MPP7: variants seen among roughly 807,000 people sequenced by gnomAD.
MPP7 encodes MAGUK p55 scaffold protein 7.
A neutral mutation model predicts 76.5 loss-of-function variants in MPP7; 60 were observed. That is an observed-to-expected ratio of 0.78 (90% CI 0.64 to 0.97). The LOEUF is 0.97. MPP7 is among the 50% of genes least tolerant of loss of function. The pLI is 0.00. For synonymous variants in MPP7, 237 were observed against 244.5 expected (o/e 0.97, Z 0.29); for missense variants, 641 against 694.0 (o/e 0.92, Z 0.86).
chr10:28,173,793 T>C (rs531823219), intron 3 of MPP7, among the ~76,000 whole-genome samples: 2 of 152,308 alleles, frequency 1.3e-5, no homozygotes, highest in South Asian at 2.1e-4. Context: ...AAAGTGTTAC[T>C]GGGAGAAACT....
intron 2 of MPP7, among the ~76,000 whole-genome samples, chr10:28,234,815 G>GT (rs1473919229): frequency 3.3e-5 from 5 of 152,026 alleles, no homozygotes; most frequent in Admixed American, 1.3e-4. Flanking sequence ...TTGTTTTGTT[G>GT]TTTTGTTTTT....
intron 11 of MPP7, chr10:28,118,009 CA>C: frequency 1.3e-6 from 1 of 798,402 alleles, no homozygotes; most frequent in Non-Finnish European, 1.5e-6. Flanking sequence ...AAAGCAAAAA[CA>C]AAAACAAAAA....
intron 1 of MPP7, among the ~76,000 whole-genome samples, chr10:28,270,163 T>A (rs12359994): frequency 0.15 from 22,698 of 152,114 alleles, 1,794 homozygotes; most frequent in South Asian, 0.19. Context: ...TGAAGGATGA[T>A]GAGGTGTTTG....
chr10:28,063,834 G>A (rs1347833558), intron 13 of MPP7, among the ~76,000 whole-genome samples: 1 of 152,126 alleles, frequency 6.6e-6, no homozygotes, highest in Non-Finnish European at 1.5e-5. Context: ...AAAAAGTTTG[G>A]GGACCGCTGC....
At chr10:28,118,758 C>T in intron 11 of MPP7, 1 of 985,402 alleles carries the variant, frequency 1.0e-6, no homozygotes, top group Non-Finnish European at 1.2e-6. Context: ...TACTCGACTA[C>T]AGTTTGGCTC....
intron 3 of MPP7, among the ~76,000 whole-genome samples, chr10:28,171,364 TC>T (rs2133868083): frequency 6.6e-6 from 1 of 152,266 alleles, no homozygotes; most frequent in South Asian, 2.1e-4. Flanking sequence ...CACCTTTACT[TC>T]CTTTTTATTT....
chr10:28,176,794 A>G (rs906980749), intron 3 of MPP7, among the ~76,000 whole-genome samples: 4 of 146,850 alleles, frequency 2.7e-5, no homozygotes, highest in African/African-American at 7.5e-5. Context: ...ACCAAACACC[A>G]CATGTTCTCA....
chr10:28,239,618 A>G (rs1430311153), intron 1 of MPP7, among the ~76,000 whole-genome samples: 1 of 152,240 alleles, frequency 6.6e-6, no homozygotes, highest in Non-Finnish European at 1.5e-5. Context: ...GCTAGCATAC[A>G]TAAGTAAATT....
chr10:28,187,658 C>T (rs896930114), intron 3 of MPP7, among the ~76,000 whole-genome samples: 1 of 152,198 alleles, frequency 6.6e-6, no homozygotes, highest in Non-Finnish European at 1.5e-5. Flanking sequence ...AGGGCCTATT[C>T]CATGAGTATC....
chr10:28,201,526 C>T (rs1322543840), intron 3 of MPP7, among the ~76,000 whole-genome samples: 2 of 152,162 alleles, frequency 1.3e-5, no homozygotes, highest in African/African-American at 2.4e-5. Flanking sequence ...TCTCATTTTA[C>T]TATTTTAGGA....
chr10:28,151,373 C>A (rs1222268882), intron 3 of MPP7, among the ~76,000 whole-genome samples: 1 of 152,144 alleles, frequency 6.6e-6, no homozygotes, highest in African/African-American at 2.4e-5. Context: ...ATTTGAGAAA[C>A]TATGAACATT....
chr10:28,271,089 G>T (rs1020322488), intron 1 of MPP7, among the ~76,000 whole-genome samples: 1 of 152,156 alleles, frequency 6.6e-6, no homozygotes, highest in Non-Finnish European at 1.5e-5. Context: ...TGGTTTGTGT[G>T]CATAATTCGA....
chr10:28,226,470 CT>C (rs1838694645), intron 2 of MPP7, among the ~76,000 whole-genome samples: 1 of 152,144 alleles, frequency 6.6e-6, no homozygotes, highest in Non-Finnish European at 1.5e-5. Context: ...TGGTCTCGAA[CT>C]TCTGACCTCA....
Position 28,165,314 on chromosome 10 carries a change from C to A in MPP7, c.157-15255G>T, listed in dbSNP as rs1836412038. ...TCAAGGCAAGAGGATCAGTTGAGGC[C>A]AGTTTGATATCAGCCTGGGTAACAG... On this transcript the variant is annotated intron_variant, in intron 3 of 16. Coordinates refer to ENST00000683449, the MANE Select transcript of MPP7 (RefSeq NM_001318170.2). Among the ~76,000 whole-genome samples, 3 of 152,190 alleles carry A rather than the reference C, an allele frequency of 2.0e-5. No individual in the cohort carries two copies. In the South Asian group the frequency reaches 6.2e-4, roughly 32 times the overall value.
intron 2 of MPP7, among the ~76,000 whole-genome samples, chr10:28,328,000 C>T (rs1372339254): frequency 6.6e-6 from 1 of 152,180 alleles, no homozygotes; most frequent in Admixed American, 6.5e-5. Context: ...CTTCTGTCTC[C>T]ATCCAATCAG....
At position 28,119,651 on chromosome 10, in the gene MPP7, A is replaced by C. The variant is rs867881251; in HGVS notation, c.952T>G (p.Ser318Ala). 1.9e-6 allele frequency: 3 copies of C among 1,612,632 alleles called. No homozygotes were observed. The highest frequency in any genetic ancestry group is 2.5e-6 in the Non-Finnish European group (3 of 1,178,934). ...QPLKVSNRKS[S>A]GFRKSFRLSR... is the part of the protein sequence containing the mutation. ...TCTGCATTCTTATTAACAAACTTAC[A>C]TGATTTCCTGTTGGAAACTTTCAGG... The change falls in exon 11 of 17, where the codon TCT (serine) becomes GCT (alanine). Residue 318 changes from serine (S) to alanine (A), a missense_variant and splice_region_variant. Ser to Ala is a moderately conservative substitution (Grantham distance 99, BLOSUM62 1). Coordinates refer to ENST00000683449, the MANE Select transcript of MPP7 (RefSeq NM_001318170.2).
chr10:28,053,865 A>G lies in MPP7; in HGVS notation c.*200T>C. On this transcript the variant is annotated 3_prime_UTR_variant, in exon 17 of 17. Transcript: ENST00000683449. Reference sequence around the variant, plus strand: ...TTTTGCTTAGAATACAGTACTGTGCATATTTTGATTTCGGATCTTATACTA... The same window carrying G: ...TTTTGCTTAGAATACAGTACTGTGCGTATTTTGATTTCGGATCTTATACTA... The G allele has an allele frequency of 1.7e-6, 1 of 597,816 alleles. No homozygotes were observed. The highest frequency in any genetic ancestry group is 2.9e-6 in the Non-Finnish European group (1 of 340,210). 37.0% of individuals were successfully genotyped at this position (597,816 alleles called of 1,614,324 possible).
At chr10:28,262,210 T>TATATATATATATATATAC (rs1839986513) in intron 1 of MPP7, among the ~76,000 whole-genome samples, 1 of 8,196 alleles carries the variant, frequency 1.2e-4, no homozygotes, top group African/African-American at 2.3e-4. Context: ...TATATATACA[T>TATATATATATATATATAC]ATATATATAT....
chr10:28,097,070 G>T (rs1372200890), intron 11 of MPP7, among the ~76,000 whole-genome samples: 1 of 151,926 alleles, frequency 6.6e-6, no homozygotes, highest in African/African-American at 2.4e-5. Flanking sequence ...GCTCAGTGTA[G>T]CCTCAAACCC....
Sources: allele counts gnomAD v4.1 joint callset (sites outside exome capture counted in the v4.1 genomes callset), GRCh38; gene constraint gnomAD v4.1.1; transcripts MANE v1.5; gene names NCBI Gene and HGNC (gene_info 2026-07-23, HGNC 2026-07-21).